Variants in PCDH15 observed in about 807,000 individuals in gnomAD.
PCDH15 encodes the protein protocadherin related 15.
PCDH15 carries 129 observed loss-of-function variants against 178.5 expected under a neutral mutation model. The ratio of observed to expected loss-of-function variants is 0.72; its 90% CI spans 0.63 to 0.84. The LOEUF (loss-of-function observed/expected upper bound fraction) is 0.84, where lower values mean the gene tolerates loss of function less well. Ranked by LOEUF, PCDH15 falls within the 40% of genes least tolerant of loss-of-function variation. PCDH15 has a pLI of 0.00. For missense variants in PCDH15, 2,230 were observed against 2,099.9 expected (o/e 1.06, Z -1.21); for synonymous variants, 800 against 732.0 (o/e 1.09, Z -1.50).
chr10:53,928,027 GTAT>G (rs1396667471), intron 25 of PCDH15, among the ~76,000 whole-genome samples: 3 of 151,992 alleles, frequency 2.0e-5, no homozygotes, highest in African/African-American at 7.2e-5. Flanking sequence ...AGACATTTAG[GTAT>G]AGACATTCCT....
intron 32 of PCDH15, chr10:53,823,856 C>T: frequency 2.2e-6 from 1 of 448,282 alleles, no homozygotes; most frequent in South Asian, 1.6e-5. Flanking sequence ...ATATCCTGTT[C>T]TCCAAATTAA....
intron 2 of PCDH15, among the ~76,000 whole-genome samples, chr10:55,078,595 T>A (rs1292162113): frequency 6.6e-6 from 1 of 152,114 alleles, no homozygotes; most frequent in Non-Finnish European, 1.5e-5. Context: ...TTGCTTGAGA[T>A]AGTCTATTGT....
At chr10:55,340,448 A>G (rs1844522731) in intron 2 of PCDH15, among the ~76,000 whole-genome samples, 3 of 151,766 alleles carry the variant, frequency 2.0e-5, no homozygotes, top group Admixed American at 2.0e-4. Flanking sequence ...GAAGTTAATC[A>G]TCTCATACTA....
intron 2 of PCDH15, among the ~76,000 whole-genome samples, chr10:55,373,185 A>G (rs1845547839): frequency 1.3e-5 from 2 of 152,106 alleles, no homozygotes; most frequent in African/African-American, 4.8e-5. Flanking sequence ...ATTAAGGGGA[A>G]AGCTCCATGA....
At chr10:54,090,120 A>T (rs1201863204) in intron 15 of PCDH15, 57 bp from the exon 16 acceptor site, 2 of 1,294,866 alleles carry the variant, frequency 1.5e-6, no homozygotes, top group Non-Finnish European at 2.2e-6. Context: ...CCCACTCATT[A>T]CAGAGTAATA....
At chr10:53,826,094 A>AAAT in intron 32 of PCDH15, among the ~76,000 whole-genome samples, 1 of 151,930 alleles carries the variant, frequency 6.6e-6, no homozygotes, top group East Asian at 1.9e-4. Context: ...TAACATACTC[A>AAAT]AATAGAATCA....
intron 1 of PCDH15, among the ~76,000 whole-genome samples, chr10:55,240,951 T>C (rs1240169969): frequency 1.3e-5 from 2 of 152,200 alleles, no homozygotes; most frequent in Non-Finnish European, 2.9e-5. Context: ...GCACGGTGGC[T>C]CAGGCCTGTA....
intron 2 of PCDH15, among the ~76,000 whole-genome samples, chr10:55,525,155 T>C (rs1371852436): frequency 6.6e-6 from 1 of 151,802 alleles, no homozygotes; most frequent in East Asian, 1.9e-4. Flanking sequence ...TAGCGCACTG[T>C]TTAGAATAAA....
At chr10:54,461,335 C>T (rs11004319) in intron 3 of PCDH15, among the ~76,000 whole-genome samples, 26,739 of 151,996 alleles carry the variant, frequency 0.18, 2,888 homozygotes, top group African/African-American at 0.3. Context: ...AGATCATGTA[C>T]ATTTTCTTTA....
At chr10:55,502,346 G>A (rs1397966837) in intron 2 of PCDH15, among the ~76,000 whole-genome samples, 3 of 151,470 alleles carry the variant, frequency 2.0e-5, no homozygotes, top group African/African-American at 7.3e-5. Flanking sequence ...TTTGCCCAGA[G>A]AGCACCCTTT....
At chr10:54,709,829 G>T (rs1591196523) in intron 1 of PCDH15, among the ~76,000 whole-genome samples, 1 of 148,964 alleles carries the variant, frequency 6.7e-6, no homozygotes, top group East Asian at 2.0e-4. Flanking sequence ...AAAGATTGCT[G>T]AACTTATGGT....
upstream of PCDH15, among the ~76,000 whole-genome samples, chr10:55,320,648 C>G (rs1050762820): frequency 1.3e-5 from 2 of 152,084 alleles, no homozygotes; most frequent in African/African-American, 4.8e-5. Flanking sequence ...ATGCCACCCC[C>G]CCCAGAATTA....
At chr10:55,455,403 C>T (rs1345376776) in intron 2 of PCDH15, among the ~76,000 whole-genome samples, 1 of 152,004 alleles carries the variant, frequency 6.6e-6, no homozygotes, top group Non-Finnish European at 1.5e-5. Flanking sequence ...CAATTCAGAT[C>T]ATGTTATACC....
chr10:55,219,899 C>A (rs1025001895), intron 1 of PCDH15, among the ~76,000 whole-genome samples: 1 of 151,536 alleles, frequency 6.6e-6, no homozygotes, highest in Non-Finnish European at 1.5e-5. Context: ...CACACACACA[C>A]ACACACACAC....
chr10:54,219,615 AAG>A (rs1591251359), intron 9 of PCDH15, among the ~76,000 whole-genome samples: 3 of 150,198 alleles, frequency 2.0e-5, no homozygotes, highest in East Asian at 1.9e-4. Context: ...AAAAAAAAAA[AAG>A]AGACTTAGGA....
intron 2 of PCDH15, among the ~76,000 whole-genome samples, chr10:55,433,818 G>A (rs569019319): frequency 1.0e-3 from 152 of 151,910 alleles, no homozygotes; most frequent in African/African-American, 3.5e-3. Context: ...CTGGTGTAAG[G>A]CAGGGATACT....
intron 2 of PCDH15, among the ~76,000 whole-genome samples, chr10:55,390,519 T>C (rs1837767504): frequency 6.6e-6 from 1 of 152,222 alleles, no homozygotes; most frequent in African/African-American, 2.4e-5. Flanking sequence ...CTTCTTAGTG[T>C]TGATATTTTG....
chr10:55,116,267 C>A (rs1301840933), intron 2 of PCDH15, among the ~76,000 whole-genome samples: 1 of 152,158 alleles, frequency 6.6e-6, no homozygotes, highest in Non-Finnish European at 1.5e-5. Flanking sequence ...ATTCTGAATT[C>A]AGTAACTAAA....
At position 54,258,299 on chromosome 10, in the gene PCDH15, G is replaced by A. The variant is rs555184892; in HGVS notation, c.877-21368C>T. Among the ~76,000 whole-genome samples, 8 of 152,182 alleles carry A rather than the reference G, an allele frequency of 5.3e-5. 1 individual carries two copies. In the South Asian group the frequency reaches 8.3e-4, roughly 16 times the overall value. On this transcript the variant is annotated intron_variant, in intron 8 of 37. Coordinates refer to ENST00000644397, the MANE Select transcript of PCDH15 (RefSeq NM_001384140.1). ...AAGGAAAATATAAACAGTCAAGAAC[G>A]GGAAGACATATTATTTTGCTATAAA...
Sources: allele counts gnomAD v4.1 joint callset (sites outside exome capture counted in the v4.1 genomes callset), GRCh38; gene constraint gnomAD v4.1.1; transcripts MANE v1.5; gene names NCBI Gene and HGNC (gene_info 2026-07-23, HGNC 2026-07-21).